The following SAAL1 variants were observed in gnomAD, a reference collection of about 807,000 sequenced individuals.
SAAL1 encodes protein SAAL1.
SAAL1 carries 42 observed loss-of-function variants against 59.8 expected under a neutral mutation model. The observed-to-expected ratio is 0.70, with a 90% CI of 0.55 to 0.91. The LOEUF (loss-of-function observed/expected upper bound fraction) is 0.91, where lower values mean the gene tolerates loss of function less well. SAAL1 is among the 40% of genes least tolerant of loss of function. The pLI is 0.00. For missense variants in SAAL1, 542 were observed against 561.1 expected (o/e 0.97, Z 0.34); for synonymous variants, 191 against 194.3 (o/e 0.98, Z 0.14).
At chr11:18,103,863 T>C (rs986317242) in intron 1 of SAAL1, among the ~76,000 whole-genome samples, 1 of 152,214 alleles carries the variant, frequency 6.6e-6, no homozygotes, top group African/African-American at 2.4e-5. Flanking sequence ...TTATTGTTTT[T>C]GGACTGTACA....
chr11:18,097,773 A>G (rs1980096), intron 2 of SAAL1, among the ~76,000 whole-genome samples: 66,457 of 151,134 alleles, frequency 0.44, 15,792 homozygotes, highest in African/African-American at 0.61. Context: ...TGGGGAGCTC[A>G]AGGTTGCAGT....
intron 2 of SAAL1, 107 bp downstream of exon 2, chr11:18,103,126 C>T: frequency 7.9e-6 from 6 of 758,452 alleles, no homozygotes; most frequent in Non-Finnish European, 1.4e-5. Flanking sequence ...TGATTACAGA[C>T]AGGAGATAAA....
Position 18,087,142 on chromosome 11 carries a change from C to T in SAAL1, c.853+1G>A, listed in dbSNP as rs971905679. The T allele has an allele frequency of 6.2e-7, 1 of 1,610,976 alleles. No individual in the cohort carries two copies. On this transcript the variant is annotated splice_donor_variant, in intron 8 of 11. Coordinates refer to ENST00000524803, the MANE Select transcript of SAAL1 (RefSeq NM_138421.3). LOFTEE classifies it high-confidence loss of function. ...TAGTGCATCCCGATAAACCACCTTA[C>T]CAATTGCTTGAATTCCATCATCCAC...
At chr11:18,092,003 T>C (rs1848528372) in intron 4 of SAAL1, among the ~76,000 whole-genome samples, 2 of 152,184 alleles carry the variant, frequency 1.3e-5, no homozygotes, top group South Asian at 4.1e-4. Context: ...TCTGGCTTAT[T>C]GCCACCAGCT....
chr11:18,082,325 T>A (rs559256252), intron 10 of SAAL1, among the ~76,000 whole-genome samples: 5 of 152,286 alleles, frequency 3.3e-5, no homozygotes, highest in Non-Finnish European at 5.9e-5. Flanking sequence ...CATCCAAATA[T>A]TTCAATCTCA....
chr11:18,086,781 TTA>T, intron 9 of SAAL1, 83 bp downstream of exon 9: 3 of 810,828 alleles, frequency 3.7e-6, no homozygotes, highest in Non-Finnish European at 5.3e-6. Context: ...TGTAATGTTT[TTA>T]TAATTAGGGA....
rs763555748 is a variant in SAAL1, at chr11:18,106,030, G to A, written c.12C>T (p.Asn4=). 6 of 1,605,976 alleles carry A rather than the reference G, an allele frequency of 3.7e-6. No individual in the cohort carries two copies. In the East Asian group the frequency reaches 6.7e-5, roughly 18 times the overall value. Residue 4 remains asparagine, a synonymous_variant, in exon 1 of 12, where the codon AAC becomes AAT. Coordinates refer to ENST00000524803, the MANE Select transcript of SAAL1 (RefSeq NM_138421.3). ...CGCGACCCGGCGGCGGCGGCGAGGGGTTGCGGTCCATGACTTTGTCGCGTC... is the reference window on the plus strand; with the variant it reads ...CGCGACCCGGCGGCGGCGGCGAGGGATTGCGGTCCATGACTTTGTCGCGTC... MDR[N]PSPPPPGRDK...
chr11:18,084,811 G>A (rs558701999), intron 9 of SAAL1, among the ~76,000 whole-genome samples: 1 of 152,272 alleles, frequency 6.6e-6, no homozygotes, highest in African/African-American at 2.4e-5. Context: ...TGCTGCCCAG[G>A]CTGGAGTACA....
chr11:18,102,931 T>C (rs1011350975), intron 2 of SAAL1, among the ~76,000 whole-genome samples: 3 of 152,214 alleles, frequency 2.0e-5, no homozygotes, highest in Admixed American at 6.5e-5. Context: ...GTCAAATATA[T>C]GGCCAGAGCT....
intron 2 of SAAL1, among the ~76,000 whole-genome samples, chr11:18,098,270 T>C (rs1043370669): frequency 3.3e-5 from 5 of 152,184 alleles, no homozygotes; most frequent in Non-Finnish European, 5.9e-5. Context: ...ATCAATAGAA[T>C]AAAAATTCTG....
At chr11:18,083,760 T>C in intron 9 of SAAL1, 29 bp from the exon 10 acceptor site, 2 of 1,495,086 alleles carry the variant, frequency 1.3e-6, no homozygotes, top group Non-Finnish European at 1.8e-6. Context: ...AAGCATGGAA[T>C]TGGCCAGTTA....
intron 7 of SAAL1, among the ~76,000 whole-genome samples, chr11:18,087,544 A>G (rs1848479620): frequency 6.6e-6 from 1 of 152,234 alleles, no homozygotes; most frequent in Admixed American, 6.5e-5. Context: ...GTTTGCTTGA[A>G]TAATCAGAAC....
intron 6 of SAAL1, among the ~76,000 whole-genome samples, chr11:18,089,848 G>A (rs886468315): frequency 6.6e-6 from 1 of 152,156 alleles, no homozygotes; most frequent in Non-Finnish European, 1.5e-5. Flanking sequence ...ACACGAGTTG[G>A]AGACCAGCCT....
chr11:18,084,424 G>A (rs944998894), intron 9 of SAAL1, among the ~76,000 whole-genome samples: 1 of 152,136 alleles, frequency 6.6e-6, no homozygotes, highest in Admixed American at 6.5e-5. Context: ...AGAGGAAAAG[G>A]CAACATCAGG....
chr11:18,095,020 TCA>T (rs759899301), intron 3 of SAAL1, among the ~76,000 whole-genome samples: 3 of 152,132 alleles, frequency 2.0e-5, no homozygotes, highest in Non-Finnish European at 2.9e-5. Flanking sequence ...GTAAAGCTTC[TCA>T]GAGTGTGGCA....
At chr11:18,084,428 C>A (rs184659799) in intron 9 of SAAL1, among the ~76,000 whole-genome samples, 10 of 152,326 alleles carry the variant, frequency 6.6e-5, no homozygotes, top group African/African-American at 2.4e-4. Context: ...GAAAAGGCAA[C>A]ATCAGGCCCT....
At chr11:18,102,885 A>G (rs1590292988) in intron 2 of SAAL1, among the ~76,000 whole-genome samples, 4 of 152,130 alleles carry the variant, frequency 2.6e-5, no homozygotes, top group Non-Finnish European at 5.9e-5. Flanking sequence ...TAATATTATC[A>G]TGGTATATCA....
chr11:18,101,244 A>G (rs1007800660), intron 2 of SAAL1, among the ~76,000 whole-genome samples: 1 of 151,704 alleles, frequency 6.6e-6, no homozygotes, highest in Non-Finnish European at 1.5e-5. Flanking sequence ...AGTTAAGCAT[A>G]CACCTACCGT....
At chr11:18,083,991 T>C (rs955580990) in intron 9 of SAAL1, among the ~76,000 whole-genome samples, 1 of 152,218 alleles carries the variant, frequency 6.6e-6, no homozygotes, top group Non-Finnish European at 1.5e-5. Context: ...GCTAGCTCTC[T>C]GACAAGGTAA....
Sources: gnomAD v4.1 joint callset for allele counts (sites outside exome capture counted in the v4.1 genomes callset) on GRCh38, gnomAD v4.1.1 for gene constraint, MANE v1.5 for transcripts, NCBI Gene and HGNC (gene_info 2026-07-23, HGNC 2026-07-21) for gene names.